LAMA3: variants seen among roughly 807,000 people sequenced by gnomAD.
LAMA3 encodes laminin subunit alpha 3.
Under a neutral mutation model 402.0 loss-of-function variants are expected in LAMA3, and 281 were observed. The observed-to-expected ratio is 0.70, with a 90% CI of 0.63 to 0.77. LAMA3 has a LOEUF of 0.77. Among genes scored for constraint, LAMA3 ranks in the 30% least tolerant of loss-of-function variants. The pLI is 0.00. For synonymous variants in LAMA3, 1,431 were observed against 1,558.4 expected, an observed-to-expected ratio of 0.92 and a Z score of 1.93; for missense variants, 3,840 against 4,215.5, an observed-to-expected ratio of 0.91 and a Z score of 2.47.
intron 34 of LAMA3, among the ~76,000 whole-genome samples, chr18:23,860,261 CTTT>C (rs59852195): frequency 3.6e-5 from 4 of 112,648 alleles, no homozygotes; most frequent in African/African-American, 1.0e-4. Context: ...CTTTTCTTTT[CTTT>C]TTTTTTTTTT....
intron 43 of LAMA3, 102 bp from the exon 44 acceptor site, chr18:23,894,805 C>T (rs1034900936): frequency 2.4e-5 from 35 of 1,458,646 alleles, no homozygotes; most frequent in African/African-American, 4.2e-5. Context: ...TCACCCGTGA[C>T]GATCTGCGTG....
chr18:23,806,156 G>A (rs542454305), intron 12 of LAMA3, among the ~76,000 whole-genome samples: 15 of 152,078 alleles, frequency 9.9e-5, no homozygotes, highest in Non-Finnish European at 4.4e-5. Context: ...AACCACACCC[G>A]CCTTGCTTTT....
At chr18:23,922,745 A>G (rs2081884318) in intron 62 of LAMA3, among the ~76,000 whole-genome samples, 1 of 152,236 alleles carries the variant, frequency 6.6e-6, no homozygotes, top group Admixed American at 6.5e-5. Context: ...TTTTATTTCC[A>G]TGAAATGGAA....
intron 56 of LAMA3, among the ~76,000 whole-genome samples, chr18:23,913,807 A>G (rs1199965559): frequency 2.0e-5 from 3 of 152,362 alleles, no homozygotes; most frequent in African/African-American, 2.4e-5. Context: ...AATTTATACC[A>G]TATACCTACT....
At chr18:23,871,750 C>A in intron 38 of LAMA3, 89 bp downstream of exon 38, 1 of 994,074 alleles carries the variant, frequency 1.0e-6, no homozygotes, top group African/African-American at 1.6e-5. Context: ...TGGTTTGGGG[C>A]CCTCTGTCTA....
chr18:23,933,547 ATCT>A (rs2082226329), intron 66 of LAMA3, among the ~76,000 whole-genome samples: 1 of 152,080 alleles, frequency 6.6e-6, no homozygotes, highest in Admixed American at 6.5e-5. Context: ...AACATTCCAA[ATCT>A]TCTCCTCTAG....
At chr18:23,915,487 A>G (rs757761270) in intron 59 of LAMA3, 65 bp downstream of exon 59, 63 of 1,478,308 alleles carry the variant, frequency 4.3e-5, no homozygotes, top group Non-Finnish European at 5.6e-5. Context: ...GTACTTTTAC[A>G]TATGATAAAG....
chr18:23,794,678 CA>C (rs1346834962), intron 12 of LAMA3, among the ~76,000 whole-genome samples: 1 of 152,180 alleles, frequency 6.6e-6, no homozygotes, highest in Non-Finnish European at 1.5e-5. Context: ...TGCAGGGAGA[CA>C]GTCACCCACA....
rs531065655 is a variant in LAMA3, at chr18:23,833,805, T to C, written c.2824-23T>C. 8 of 1,612,334 alleles carry C rather than the reference T, an allele frequency of 5.0e-6. No homozygotes were observed. The Admixed American group carries it at 8.3e-5, about 17-fold the overall frequency. The stretch of plus-strand genomic sequence containing the variant: ...TACATGTCACAGCTGGATCACAGTC[T>C]GTCTGCTTGGCCTCTGTGACAGGTG... On this transcript the variant is annotated intron_variant, in intron 23 of 74. Coordinates refer to ENST00000313654, the MANE Select transcript of LAMA3 (RefSeq NM_198129.4).
At chr18:23,769,598 A>G (rs1400247660) in intron 8 of LAMA3, among the ~76,000 whole-genome samples, 1 of 152,276 alleles carries the variant, frequency 6.6e-6, no homozygotes, top group Non-Finnish European at 1.5e-5. Flanking sequence ...GGTAATTTTA[A>G]AAACATTCAA....
intron 40 of LAMA3, among the ~76,000 whole-genome samples, chr18:23,884,095 T>C (rs1263058705): frequency 7.0e-6 from 1 of 142,258 alleles, no homozygotes; most frequent in East Asian, 2.5e-4. Flanking sequence ...TGTGTGTGTG[T>C]GTGTTTAAAG....
chr18:23,694,953 T>C (rs1313884915), intron 1 of LAMA3, among the ~76,000 whole-genome samples: 1 of 152,192 alleles, frequency 6.6e-6, no homozygotes, highest in Non-Finnish European at 1.5e-5. Flanking sequence ...TTTGAAGAAA[T>C]ATTCAAAAGG....
intron 73 of LAMA3, 47 bp from the exon 74 acceptor site, chr18:23,952,936 ACATTAAG>A: frequency 1.9e-6 from 3 of 1,612,234 alleles, no homozygotes; most frequent in Non-Finnish European, 2.5e-6. Context: ...AATGGTGTAG[ACATTAAG>A]CAGGGCTCAC....
chr18:23,752,248 T>C (rs1439811483), intron 5 of LAMA3, among the ~76,000 whole-genome samples: 4 of 152,116 alleles, frequency 2.6e-5, no homozygotes, highest in Non-Finnish European at 4.4e-5. Flanking sequence ...TCATAAACTA[T>C]AGCCGGGCTG....
intron 2 of LAMA3, among the ~76,000 whole-genome samples, chr18:23,722,142 TC>T (rs1381122262): frequency 2.0e-5 from 3 of 152,212 alleles, no homozygotes; most frequent in Non-Finnish European, 4.4e-5. Context: ...TAACTGTAAT[TC>T]CCTGGATATT....
chr18:23,767,071 G>C (rs780236814), intron 8 of LAMA3, among the ~76,000 whole-genome samples: 15 of 152,068 alleles, frequency 9.9e-5, no homozygotes, highest in Non-Finnish European at 1.9e-4. Flanking sequence ...TAATGTTCAA[G>C]CTGAGAGCCA....
intron 62 of LAMA3, among the ~76,000 whole-genome samples, chr18:23,923,777 C>T (rs887815769): frequency 3.9e-5 from 6 of 152,278 alleles, no homozygotes; most frequent in African/African-American, 1.4e-4. Flanking sequence ...CAATAAGGAA[C>T]CCATTGGTGG....
chr18:23,810,199 A>G (rs890747099), intron 12 of LAMA3, among the ~76,000 whole-genome samples, 167 bp from the exon 13 acceptor site: 1 of 152,240 alleles, frequency 6.6e-6, no homozygotes, highest in Admixed American at 6.5e-5. Context: ...ACTGAGGCTT[A>G]GAGCAGTTGA....
chr18:23,710,240 T>G (rs530762087), intron 1 of LAMA3: 2 of 611,752 alleles, frequency 3.3e-6, no homozygotes, highest in East Asian at 7.0e-5. Context: ...TCGTTTTGGC[T>G]TCAGCTTTAG....
Sources: allele counts gnomAD v4.1 joint callset (sites outside exome capture counted in the v4.1 genomes callset), GRCh38; gene constraint gnomAD v4.1.1; transcripts MANE v1.5; gene names NCBI Gene and HGNC (gene_info 2026-07-23, HGNC 2026-07-21).